The following PCDH9 variants were observed in gnomAD, a reference collection of about 807,000 sequenced individuals.
The protein encoded by PCDH9 is protocadherin 9, also known as protocadherin-9.
A neutral mutation model predicts 70.6 loss-of-function variants in PCDH9; 24 were observed. The observed-to-expected ratio is 0.34, with a 90% CI of 0.25 to 0.48. PCDH9 has a LOEUF of 0.48. PCDH9 is among the 20% of genes least tolerant of loss of function. The probability of loss-of-function intolerance (pLI) is 0.99; values close to 1 mark genes in which losing one functional copy is unlikely to be tolerated. For missense variants in PCDH9, 1,281 were observed against 1,503.6 expected, an observed-to-expected ratio of 0.85 and a Z score of 2.45; for synonymous variants, 562 against 558.5, an observed-to-expected ratio of 1.01 and a Z score of -0.09.
At chr13:66,858,643 T>G (rs532400399) in intron 3 of PCDH9, among the ~76,000 whole-genome samples, 1 of 152,220 alleles carries the variant, frequency 6.6e-6, no homozygotes, top group Non-Finnish European at 1.5e-5. Flanking sequence ...TTTGAAGCCT[T>G]CTCTGCCCTG....
chr13:66,677,322 G>T (rs1442083296), intron 3 of PCDH9, among the ~76,000 whole-genome samples: 1 of 152,046 alleles, frequency 6.6e-6, no homozygotes, highest in Non-Finnish European at 1.5e-5. Flanking sequence ...ATTTTTTAAA[G>T]TAATATAAAT....
intron 3 of PCDH9, among the ~76,000 whole-genome samples, chr13:66,864,517 C>T (rs913710504): frequency 1.3e-5 from 2 of 152,180 alleles, no homozygotes; most frequent in African/African-American, 4.8e-5. Flanking sequence ...GATTTACTCT[C>T]AATATCTCAT....
intron 2 of PCDH9, among the ~76,000 whole-genome samples, chr13:67,006,452 T>C (rs1440836412): frequency 6.6e-6 from 1 of 152,208 alleles, no homozygotes; most frequent in African/African-American, 2.4e-5. Flanking sequence ...GTATCAAAAA[T>C]ACTGATTGCC....
At chr13:67,204,591 A>T (rs1001852274) in intron 2 of PCDH9, 10 of 152,324 alleles carry the variant, frequency 6.6e-5, no homozygotes, top group African/African-American at 2.4e-4. Flanking sequence ...CAATGCTCAG[A>T]CTATTTAATT....
At position 66,750,328 on chromosome 13, in the gene PCDH9, T is replaced by C. The variant is rs535061415; in HGVS notation, c.3139-118917A>G. 3.9e-5 allele frequency among the ~76,000 whole-genome samples: 6 copies of C among 152,196 alleles called. No homozygotes were observed. In the South Asian group the frequency reaches 8.3e-4, roughly 21 times the overall value. ...TCAGCAAACACATATAGAAAAATAATTTTTCAAAAACAAGTTTTCTCATTC... is the reference window on the plus strand; with the variant it reads ...TCAGCAAACACATATAGAAAAATAACTTTTCAAAAACAAGTTTTCTCATTC... On this transcript the variant is annotated intron_variant, in intron 3 of 4. Transcript: ENST00000377865.
At chr13:66,980,394 T>G (rs1402230202) in intron 2 of PCDH9, among the ~76,000 whole-genome samples, 1 of 152,170 alleles carries the variant, frequency 6.6e-6, no homozygotes, top group Non-Finnish European at 1.5e-5. Context: ...GATTATGCAC[T>G]CCTCTACCTA....
chr13:67,054,245 C>T (rs554202387), intron 2 of PCDH9, among the ~76,000 whole-genome samples: 14 of 152,278 alleles, frequency 9.2e-5, no homozygotes, highest in Non-Finnish European at 1.8e-4. Context: ...AATTTAAACA[C>T]CCGCTCTTTT....
At chr13:67,120,004 G>A (rs1028899) in intron 2 of PCDH9, among the ~76,000 whole-genome samples, 139,840 of 151,922 alleles carry the variant, frequency 0.92, 64,481 homozygotes, top group East Asian at 0.98. Context: ...TTCATCTTAC[G>A]CTAATTTTAT....
intron 3 of PCDH9, among the ~76,000 whole-genome samples, chr13:66,869,640 T>A (rs1242130399): frequency 1.3e-5 from 2 of 152,164 alleles, no homozygotes; most frequent in Non-Finnish European, 2.9e-5. Flanking sequence ...ATTCTGCGTG[T>A]CTTTATGTTT....
At chr13:66,809,955 T>C (rs2080474692) in intron 3 of PCDH9, among the ~76,000 whole-genome samples, 1 of 152,058 alleles carries the variant, frequency 6.6e-6, no homozygotes, top group African/African-American at 2.4e-5. Flanking sequence ...AACTCCAGTA[T>C]TGAAAAATAC....
intron 2 of PCDH9, chr13:67,221,671 ACATTTT>A (rs1302410894): frequency 1.3e-5 from 2 of 152,074 alleles, no homozygotes; most frequent in Non-Finnish European, 2.9e-5. Context: ...TTTTACTTTA[ACATTTT>A]CATTTATCTT....
intron 2 of PCDH9, among the ~76,000 whole-genome samples, chr13:67,178,039 C>T (rs1312310448): frequency 1.3e-5 from 2 of 152,070 alleles, no homozygotes; most frequent in African/African-American, 2.4e-5. Flanking sequence ...TTGAAACATC[C>T]ATCTCACTGT....
At chr13:67,025,020 T>C (rs568605846) in intron 2 of PCDH9, among the ~76,000 whole-genome samples, 1 of 152,220 alleles carries the variant, frequency 6.6e-6, no homozygotes, top group South Asian at 2.1e-4. Context: ...AACAAAAGTA[T>C]TTTCTAAGAA....
intron 2 of PCDH9, chr13:67,208,596 G>A (rs922996075): frequency 3.3e-5 from 5 of 152,006 alleles, no homozygotes; most frequent in African/African-American, 1.2e-4. Context: ...TGGCACTACA[G>A]AAAAGTATTT....
chr13:67,043,677 C>T (rs1312178451), intron 2 of PCDH9, among the ~76,000 whole-genome samples: 1 of 152,050 alleles, frequency 6.6e-6, no homozygotes, highest in African/African-American at 2.4e-5. Context: ...AATATTGGCT[C>T]ATTTAACAAG....
At chr13:66,888,261 G>A (rs1245215405) in intron 3 of PCDH9, among the ~76,000 whole-genome samples, 2 of 152,198 alleles carry the variant, frequency 1.3e-5, no homozygotes, top group Admixed American at 6.5e-5. Flanking sequence ...TTGAGAGGCC[G>A]AGCTGGGAGG....
chr13:66,916,128 C>T lies in PCDH9; in HGVS notation c.3037-12523G>A, dbSNP rs556748661. On this transcript the variant is annotated intron_variant, in intron 2 of 4. Coordinates refer to ENST00000377865, the MANE Select transcript of PCDH9 (RefSeq NM_203487.3). ...TGAATGATGTATTTTATATAGATGA[C>T]ATAAGGTAAAAATTATCTGAATTCC... Among the ~76,000 whole-genome samples, 4 of 151,696 alleles carry T rather than the reference C, an allele frequency of 2.6e-5. No individual in the cohort carries two copies. The South Asian group carries it at 6.2e-4, about 24-fold the overall frequency.
chr13:66,396,143 T>C (rs1207740471), intron 4 of PCDH9, among the ~76,000 whole-genome samples: 2 of 152,168 alleles, frequency 1.3e-5, no homozygotes, highest in Non-Finnish European at 2.9e-5. Context: ...GGTATAGGGA[T>C]GTTAAGAATC....
intron 4 of PCDH9, among the ~76,000 whole-genome samples, chr13:66,497,150 C>T (rs1450594000): frequency 2.0e-5 from 3 of 151,898 alleles, no homozygotes; most frequent in African/African-American, 4.8e-5. Flanking sequence ...TCACTGCAAC[C>T]TCCTCTCCCC....
Sources: allele counts gnomAD v4.1 joint callset (sites outside exome capture counted in the v4.1 genomes callset), GRCh38; gene constraint gnomAD v4.1.1; transcripts MANE v1.5; gene names NCBI Gene and HGNC (gene_info 2026-07-23, HGNC 2026-07-21).